FRMPD2: variants seen among roughly 807,000 people sequenced by gnomAD.
FRMPD2 encodes FERM and PDZ domain-containing protein 2.
A neutral mutation model predicts 140.1 loss-of-function variants in FRMPD2; 96 were observed. The ratio of observed to expected loss-of-function variants is 0.69; its 90% CI spans 0.58 to 0.81. The LOEUF (loss-of-function observed/expected upper bound fraction) is 0.81. FRMPD2 is among the 40% of genes least tolerant of loss of function. The probability of loss-of-function intolerance (pLI) is 0.00; values close to 1 mark genes in which losing one functional copy is unlikely to be tolerated. For missense variants in FRMPD2, 1,240 were observed against 1,447.4 expected (o/e 0.86, Z 2.32); for synonymous variants, 449 against 547.6 (o/e 0.82, Z 2.52).
rs143016405 is a variant in FRMPD2, at chr10:48,246,201, G to A, written c.310-1352C>T. Among the ~76,000 whole-genome samples, 662 of 152,262 alleles carry A rather than the reference G, an allele frequency of 4.3e-3. 3 individuals are homozygous for A. The highest frequency in any genetic ancestry group is 0.014 in the African/African-American group (571 of 41,556). ...GAACCAATTGCAGTGACTGCCACCC[G>A]CAAGGCTGGTCTTCCCACACGGTTA... On this transcript the variant is annotated intron_variant, in intron 3 of 28. Transcript: ENST00000374201.
chr10:48,182,705 T>A (rs1838581540), intron 20 of FRMPD2, among the ~76,000 whole-genome samples: 1 of 152,154 alleles, frequency 6.6e-6, no homozygotes, highest in Non-Finnish European at 1.5e-5. Context: ...ACTCATTGTC[T>A]GGAATTCTAA....
intron 15 of FRMPD2, among the ~76,000 whole-genome samples, chr10:48,194,351 TG>T (rs1838905510): frequency 6.6e-6 from 1 of 151,872 alleles, no homozygotes. Flanking sequence ...CGCTGGAAAA[TG>T]GGGATGCTGA....
At chr10:48,179,364 C>T (rs1838486173) in intron 21 of FRMPD2, among the ~76,000 whole-genome samples, 1 of 148,450 alleles carries the variant, frequency 6.7e-6, no homozygotes, top group Non-Finnish European at 1.5e-5. Context: ...GCACAAGACC[C>T]TCAAGTGAGA....
At position 48,189,620 on chromosome 10, in the gene FRMPD2, T is replaced by A. The variant is rs535912011; in HGVS notation, c.2166-2328A>T. Among the ~76,000 whole-genome samples the A allele has an allele frequency of 1.4e-3, 209 of 152,290 alleles. 1 individual carries two copies. Among genetic ancestry groups the A allele is most frequent in the Non-Finnish European group, 2.5e-3 (173 of 68,022 alleles). On this transcript the variant is annotated intron_variant, in intron 16 of 28. Transcript: ENST00000374201. ...CATGAGGTGGGGACCACATCTGTCA[T>A]GCTCACCACCGAATCCTCCACACCT...
chr10:48,223,424 C>A (rs1444990373), intron 10 of FRMPD2, among the ~76,000 whole-genome samples, 154 bp from the exon 11 acceptor site: 5 of 152,098 alleles, frequency 3.3e-5, no homozygotes, highest in South Asian at 2.1e-4. Context: ...TAGCAAGGAA[C>A]CTTTGTTGGG....
chr10:48,201,483 T>C, intron 14 of FRMPD2, 99 bp from the exon 15 acceptor site: 1 of 1,060,032 alleles, frequency 9.4e-7, no homozygotes, highest in Non-Finnish European at 1.4e-6. Context: ...TTCCACACCC[T>C]GTAGCAGGCA....
At chr10:48,222,570 A>G (rs543232385) in intron 11 of FRMPD2, 119 bp from the exon 12 acceptor site, 4 of 1,059,976 alleles carry the variant, frequency 3.8e-6, no homozygotes, top group Admixed American at 2.2e-5. Flanking sequence ...ATGCAACTCA[A>G]TAGAATTCAG....
chr10:48,274,592 A>G lies in FRMPD2; in HGVS notation c.-25T>C. 4 of 1,613,148 alleles carry G rather than the reference A, an allele frequency of 2.5e-6. No homozygotes were observed. The highest frequency in any genetic ancestry group is 1.3e-5 in the African/African-American group (1 of 75,034). ...TCCAAAAGTCTCCGTGACCAGGTCT[A>G]GGCCTTCATCATGGGACAACTTTCC... On this transcript the variant is annotated 5_prime_UTR_variant, in exon 1 of 29. It removes the in-frame stop codon of an upstream open reading frame in the 5' UTR. Transcript: ENST00000374201.
chr10:48,175,004 G>A lies in FRMPD2; in HGVS notation c.2990-49C>T, dbSNP rs1170914954. On this transcript the variant is annotated intron_variant, in intron 23 of 28. Transcript: ENST00000374201. ...TCATGACCTGGTGCTTGAGGCTGCA[G>A]GAGGTTCCCTTCCAGGAGGCCCCTG... The A allele has an allele frequency of 5.6e-6, 4 of 709,056 alleles. No homozygotes were observed. The Admixed American group carries it at 8.2e-5, about 15-fold the overall frequency. The allele number at this position is 709,056 out of a possible 1,614,324, so 43.9% of individuals were successfully genotyped here.
chr10:48,206,922 C>G lies in FRMPD2; in HGVS notation c.1623G>C (p.Gln541His), dbSNP rs1264457841. ...AELKFLRVTQ[Q>H]LPEYGVLVHQ... ...GAACCAGCACACCGTATTCTGGGAG[C>G]TGCTGAGTGACCTGGAGCAGAAAAA... The change falls in exon 14 of 29, where the codon CAG becomes CAC. Residue 541 changes from glutamine to histidine, a missense_variant. This residue lies in a region of FRMPD2 where 1,161 missense variants were observed against 1,055.9 expected (regional missense o/e 1.10). Transcript: ENST00000374201. The G allele has an allele frequency of 1.2e-6, 2 of 1,613,764 alleles. No individual in the cohort carries two copies. Among genetic ancestry groups the G allele is most frequent in the Non-Finnish European group, 1.7e-6 (2 of 1,179,792 alleles).
At chr10:48,200,193 T>TAAAA (rs879909099) in intron 15 of FRMPD2, among the ~76,000 whole-genome samples, 11,226 of 139,344 alleles carry the variant, frequency 0.081, 671 homozygotes, top group Non-Finnish European at 0.12. Flanking sequence ...AATAAATAAA[T>TAAAA]AAATAAAACA....
intron 2 of FRMPD2, among the ~76,000 whole-genome samples, chr10:48,250,137 G>C (rs556616743): frequency 1.3e-5 from 2 of 152,094 alleles, no homozygotes; most frequent in Non-Finnish European, 2.9e-5. Flanking sequence ...TGACTCGCCC[G>C]AGCCCACCTA....
At chr10:48,244,937 G>T in intron 3 of FRMPD2, 88 bp from the exon 4 acceptor site, 1 of 983,574 alleles carries the variant, frequency 1.0e-6, no homozygotes, top group Non-Finnish European at 1.6e-6. Context: ...ATTTCCACAT[G>T]AACAGACACT....
chr10:48,250,484 T>C (rs1418259232), intron 2 of FRMPD2, among the ~76,000 whole-genome samples: 1 of 152,164 alleles, frequency 6.6e-6, no homozygotes, highest in African/African-American at 2.4e-5. Context: ...CAGTGCAATC[T>C]CTGCCTCCCG....
Position 48,255,518 on chromosome 10 carries a change from G to T in FRMPD2, c.26-3827C>A, listed in dbSNP as rs183892018. ...TTTAATAAATACTCGTCAAGGATCT[G>T]GTATATTTCAAGCTCTGTACTACCA... On this transcript the variant is annotated intron_variant, in intron 1 of 28. Transcript: ENST00000374201. Among the ~76,000 whole-genome samples the T allele has an allele frequency of 6.0e-4, 92 of 152,182 alleles. 3 individuals are homozygous for T. In the East Asian group the frequency reaches 0.012, roughly 19 times the overall value.
Position 48,184,259 on chromosome 10 carries a change from A to G in FRMPD2, c.2584+307T>C, listed in dbSNP as rs141850246. On this transcript the variant is annotated intron_variant, in intron 20 of 28. Coordinates refer to ENST00000374201, the MANE Select transcript of FRMPD2 (RefSeq NM_001018071.4). ...TCAACAAGGACTTTGGGTGGCAATA[A>G]AAAGGTCCTCCCTGCCATGCAAGGA... 6.6e-5 allele frequency among the ~76,000 whole-genome samples: 10 copies of G among 152,012 alleles called. No homozygotes were observed. In the East Asian group the frequency reaches 1.9e-3, roughly 29 times the overall value.
chr10:48,260,718 A>G (rs1840573693), intron 1 of FRMPD2, among the ~76,000 whole-genome samples: 1 of 152,206 alleles, frequency 6.6e-6, no homozygotes, highest in Non-Finnish European at 1.5e-5. Context: ...TACCCCATAC[A>G]TCATGTCCAG....
intron 1 of FRMPD2, among the ~76,000 whole-genome samples, chr10:48,261,607 C>A (rs1384164634): frequency 6.6e-6 from 1 of 152,118 alleles, no homozygotes; most frequent in East Asian, 1.9e-4. Context: ...AACAAAACTT[C>A]TGAGTATATT....
intron 18 of FRMPD2, among the ~76,000 whole-genome samples, chr10:48,185,200 T>C (rs1347428399): frequency 6.6e-6 from 1 of 152,226 alleles, no homozygotes; most frequent in Non-Finnish European, 1.5e-5. Context: ...GTACCTTGTT[T>C]CTTCTACAGT....
Sources: gnomAD v4.1 joint callset for allele counts (sites outside exome capture counted in the v4.1 genomes callset) on GRCh38, gnomAD v4.1.1 for gene constraint, gnomAD v4.1.1 regional missense constraint, MANE v1.5 for transcripts, NCBI Gene and HGNC (gene_info 2026-07-23, HGNC 2026-07-21) for gene names.